The following SCML4 variants were observed in gnomAD, a reference collection of about 807,000 sequenced individuals.
The protein encoded by SCML4 is Scm polycomb group protein like 4, also known as sex comb on midleg-like protein 4.
A neutral mutation model predicts 41.1 loss-of-function variants in SCML4; 34 were observed. The observed-to-expected ratio is 0.83, with a 90% CI of 0.63 to 1.10. The LOEUF is 1.10. SCML4 is among the 50% of genes least tolerant of loss of function. SCML4 has a pLI of 0.00. For missense variants in SCML4, 522 were observed against 534.1 expected, an observed-to-expected ratio of 0.98 and a Z score of 0.22; for synonymous variants, 214 against 220.9, an observed-to-expected ratio of 0.97 and a Z score of 0.28.
chr6:107,734,119 G>A (rs1583441686), intron 5 of SCML4, among the ~76,000 whole-genome samples: 1 of 152,128 alleles, frequency 6.6e-6, no homozygotes, highest in Non-Finnish European at 1.5e-5. Context: ...CTAGGAAGAA[G>A]GAGTCCATTT....
At chr6:107,824,974 G>A (rs147082473), upstream of SCML4, among the ~76,000 whole-genome samples, 23 of 152,084 alleles carry the variant, frequency 1.5e-4, no homozygotes, top group East Asian at 4.5e-3. Flanking sequence ...ATTAAAGCCG[G>A]CCCTGACTTT....
At chr6:107,752,745 G>T (rs1417948108) in intron 2 of SCML4, among the ~76,000 whole-genome samples, 1 of 152,176 alleles carries the variant, frequency 6.6e-6, no homozygotes, top group Non-Finnish European at 1.5e-5. Context: ...GTTGAATTGG[G>T]ATAAGAATAA....
At chr6:107,746,652 T>A in intron 4 of SCML4, 37 bp downstream of exon 4, 2 of 1,576,282 alleles carry the variant, frequency 1.3e-6, no homozygotes, top group Non-Finnish European at 1.7e-6. Context: ...CAGAGAGACA[T>A]CCATGGCCTC....
At position 107,757,279 on chromosome 6, in the gene SCML4, G is replaced by T. The variant is rs183456858; in HGVS notation, c.157-7466C>A. Among the ~76,000 whole-genome samples the T allele has an allele frequency of 2.6e-5, 4 of 152,338 alleles. No homozygotes were observed. The East Asian group carries it at 7.7e-4, about 29-fold the overall frequency. On this transcript the variant is annotated intron_variant, in intron 2 of 7. Transcript: ENST00000369020. ...TTGGGAGGGGATTTGGGGGGAAACG[G>T]AGATGTGCGGTCAAGAGCACACTAA...
rs530844115 is a variant in SCML4, at chr6:107,732,314, A to T, written c.683-11321T>A. ...TACTACCTATGAGGCTGAGCATTTC[A>T]TTTGCTTCAATTAAATTTTCCATTA... is the stretch of plus-strand genomic sequence containing the variant. On this transcript the variant is annotated intron_variant, in intron 5 of 7. Transcript: ENST00000369020. 6 of 152,250 alleles carry T rather than the reference A, an allele frequency of 3.9e-5. No homozygotes were observed. The East Asian group carries it at 1.2e-3, about 29-fold the overall frequency. 9.4% of individuals were successfully genotyped at this position (152,250 alleles called of 1,614,324 possible). A position where few individuals can be genotyped will look rare whatever the true frequency, so the allele number is the denominator to read the frequency against.
At chr6:107,729,630 G>A (rs945109147) in intron 5 of SCML4, among the ~76,000 whole-genome samples, 1 of 152,108 alleles carries the variant, frequency 6.6e-6, no homozygotes, top group Non-Finnish European at 1.5e-5. Flanking sequence ...CATATAATTA[G>A]CACATCAAAC....
chr6:107,822,692 G>C (rs1785038557), intron 1 of SCML4, among the ~76,000 whole-genome samples: 1 of 151,866 alleles, frequency 6.6e-6, no homozygotes, highest in Non-Finnish European at 1.5e-5. Context: ...AATTTAAAGA[G>C]CTAAAGAAAA....
intron 5 of SCML4, among the ~76,000 whole-genome samples, chr6:107,738,621 G>T (rs1235031598): frequency 6.7e-6 from 1 of 150,068 alleles, no homozygotes; most frequent in African/African-American, 2.4e-5. Flanking sequence ...AGTCCATCTT[G>T]AAAAAAAAAG....
chr6:107,804,240 A>C (rs1783545977), intron 1 of SCML4, among the ~76,000 whole-genome samples: 1 of 31,386 alleles, frequency 3.2e-5, no homozygotes, highest in African/African-American at 1.0e-4. Flanking sequence ...TACATTTTAA[A>C]CATGAAACGT....
the SCML4 span, among the ~76,000 whole-genome samples, chr6:107,842,326 T>C: frequency 6.6e-6 from 1 of 152,240 alleles, no homozygotes; most frequent in Admixed American, 6.5e-5. Flanking sequence ...ATTTTCTTTA[T>C]GGTTCAAAAT....
At chr6:107,716,896 G>T (rs1162893465) in intron 6 of SCML4, among the ~76,000 whole-genome samples, 1 of 151,940 alleles carries the variant, frequency 6.6e-6, no homozygotes, top group Non-Finnish European at 1.5e-5. Context: ...CCTTCCTTCC[G>T]TCTTCTCCCC....
At chr6:107,753,870 CT>C (rs1778892034) in intron 2 of SCML4, among the ~76,000 whole-genome samples, 2 of 152,162 alleles carry the variant, frequency 1.3e-5, no homozygotes, top group Admixed American at 1.3e-4. Context: ...TACTTTCCAT[CT>C]ATTGCAACAG....
the SCML4 span, among the ~76,000 whole-genome samples, chr6:107,845,870 CT>C: frequency 6.6e-6 from 1 of 152,230 alleles, no homozygotes; most frequent in Admixed American, 6.5e-5. Context: ...CGACAAATGC[CT>C]GGCTCCCCAT....
intron 5 of SCML4, among the ~76,000 whole-genome samples, chr6:107,741,161 A>C (rs1278752185): frequency 3.3e-5 from 5 of 152,192 alleles, no homozygotes; most frequent in Admixed American, 6.5e-5. Context: ...GAAAATCAAA[A>C]ACAAATGTAC....
At chr6:107,720,639 G>C in intron 6 of SCML4, 64 bp downstream of exon 6, 1 of 1,457,702 alleles carries the variant, frequency 6.9e-7, no homozygotes, top group Non-Finnish European at 9.1e-7. Flanking sequence ...CCCAGATGCT[G>C]TGCTCCCCGC....
chr6:107,842,909 A>G, the SCML4 span, among the ~76,000 whole-genome samples: 2 of 152,044 alleles, frequency 1.3e-5, no homozygotes, highest in African/African-American at 2.4e-5. Flanking sequence ...TATTCCTGAT[A>G]ATATTTCTTA....
At chr6:107,787,082 G>A (rs1027676465) in intron 1 of SCML4, among the ~76,000 whole-genome samples, 8 of 152,228 alleles carry the variant, frequency 5.3e-5, no homozygotes, top group Non-Finnish European at 1.2e-4. Context: ...GCCCTGGACA[G>A]AATTCAGAGA....
intron 1 of SCML4, among the ~76,000 whole-genome samples, chr6:107,820,850 A>C (rs1365215393): frequency 6.6e-6 from 1 of 152,130 alleles, no homozygotes; most frequent in Non-Finnish European, 1.5e-5. Flanking sequence ...AAGGTAGAAA[A>C]GAAAAAAAAG....
At chr6:107,782,640 G>A (rs1406979460) in intron 1 of SCML4, among the ~76,000 whole-genome samples, 1 of 152,202 alleles carries the variant, frequency 6.6e-6, no homozygotes, top group Non-Finnish European at 1.5e-5. Context: ...CTGATGGCAG[G>A]TGCTGGTCTG....
Sources: allele counts gnomAD v4.1 joint callset (sites outside exome capture counted in the v4.1 genomes callset), GRCh38; gene constraint gnomAD v4.1.1; transcripts MANE v1.5; gene names NCBI Gene and HGNC (gene_info 2026-07-23, HGNC 2026-07-21).